The following PITPNC1 variants were observed in gnomAD, a reference collection of about 807,000 sequenced individuals.
PITPNC1 encodes the protein phosphatidylinositol transfer protein cytoplasmic 1.
In PITPNC1, 18 loss-of-function variants were observed where a neutral mutation model predicts 44.7. That is an observed-to-expected ratio of 0.40 (90% CI 0.28 to 0.60). PITPNC1 has a LOEUF of 0.60. Among genes scored for constraint, PITPNC1 ranks in the 20% least tolerant of loss-of-function variants. The pLI, the probability that PITPNC1 is intolerant of heterozygous loss-of-function variation, is 0.39. For missense variants in PITPNC1, 290 were observed against 418.4 expected, an observed-to-expected ratio of 0.69 and a Z score of 2.68; for synonymous variants, 141 against 149.6, an observed-to-expected ratio of 0.94 and a Z score of 0.42.
intron 1 of PITPNC1, among the ~76,000 whole-genome samples, chr17:67,472,115 C>T (rs1385014354): frequency 3.3e-5 from 5 of 151,840 alleles, no homozygotes; most frequent in East Asian, 1.9e-4. Flanking sequence ...TATTAGGGGG[C>T]ACATGATATC....
chr17:67,632,327 G>A (rs2041981190), intron 6 of PITPNC1, 89 bp downstream of exon 6: 1 of 810,430 alleles, frequency 1.2e-6, no homozygotes, highest in Non-Finnish European at 2.1e-6. Context: ...TTGGGAGGAT[G>A]CCATCTCTCG....
At chr17:67,493,430 A>C (rs1361575265) in intron 1 of PITPNC1, among the ~76,000 whole-genome samples, 1 of 152,178 alleles carries the variant, frequency 6.6e-6, no homozygotes, top group Non-Finnish European at 1.5e-5. Flanking sequence ...GTCTTTTAGG[A>C]GCTCCAGTTT....
chr17:67,386,939 T>G (rs1444402716), intron 1 of PITPNC1, among the ~76,000 whole-genome samples: 1 of 152,152 alleles, frequency 6.6e-6, no homozygotes, highest in Non-Finnish European at 1.5e-5. Context: ...GAATTTTGTA[T>G]ATTCCCAAGT....
chr17:67,473,109 CT>C (rs1228734237), intron 1 of PITPNC1, among the ~76,000 whole-genome samples: 1 of 152,088 alleles, frequency 6.6e-6, no homozygotes, highest in African/African-American at 2.4e-5. Flanking sequence ...ATCTCCTGAC[CT>C]CGTGATCCAC....
intron 1 of PITPNC1, among the ~76,000 whole-genome samples, chr17:67,421,345 T>G (rs2038670676): frequency 1.3e-5 from 2 of 152,142 alleles, no homozygotes; most frequent in Admixed American, 1.3e-4. Context: ...TGCAATGGTG[T>G]GATCTCAGCT....
chr17:67,495,052 G>GTTT (rs1243868487), intron 1 of PITPNC1, among the ~76,000 whole-genome samples: 148 of 38,528 alleles, frequency 3.8e-3, no homozygotes, highest in African/African-American at 6.7e-3. Flanking sequence ...TTTTTTTTTT[G>GTTT]TTTTTTTTTT....
At chr17:67,671,296 A>C (rs2042508330) in intron 7 of PITPNC1, among the ~76,000 whole-genome samples, 3 of 152,200 alleles carry the variant, frequency 2.0e-5, no homozygotes, top group Admixed American at 1.3e-4. Context: ...TGCAATGTTG[A>C]GCATTGCCCT....
At chr17:67,682,250 A>G (rs2042723132) in intron 8 of PITPNC1, among the ~76,000 whole-genome samples, 1 of 152,196 alleles carries the variant, frequency 6.6e-6, no homozygotes, top group South Asian at 2.1e-4. Flanking sequence ...ATACATGTAC[A>G]ACAAGTACAA....
chr17:67,394,924 A>G (rs988525216), intron 1 of PITPNC1, among the ~76,000 whole-genome samples: 1 of 151,942 alleles, frequency 6.6e-6, no homozygotes, highest in South Asian at 2.1e-4. Context: ...TGCCAGGAGC[A>G]GTGGCTCATA....
intron 5 of PITPNC1, among the ~76,000 whole-genome samples, chr17:67,615,638 C>T (rs1024256500): frequency 6.6e-5 from 10 of 152,050 alleles, no homozygotes; most frequent in African/African-American, 1.4e-4. Flanking sequence ...CACCGAACAC[C>T]GAGGCTGTGA....
At chr17:67,544,177 GTT>G in intron 2 of PITPNC1, among the ~76,000 whole-genome samples, 1 of 152,272 alleles carries the variant, frequency 6.6e-6, no homozygotes, top group Middle Eastern at 3.4e-3. Context: ...ATCCAGTTCA[GTT>G]AACCAAGTAA....
intron 1 of PITPNC1, among the ~76,000 whole-genome samples, chr17:67,444,290 G>T (rs1383681810): frequency 6.6e-6 from 1 of 152,228 alleles, no homozygotes; most frequent in African/African-American, 2.4e-5. Flanking sequence ...AATAGGCCGA[G>T]ATCACGGGGA....
chr17:67,586,357 C>G (rs1033274795), intron 5 of PITPNC1, among the ~76,000 whole-genome samples: 34 of 149,180 alleles, frequency 2.3e-4, no homozygotes, highest in Admixed American at 3.4e-4. Context: ...CTGAAGCGGG[C>G]AGATTACCTG....
At position 67,676,935 on chromosome 17, in the gene PITPNC1, TCA is replaced by T. The variant is rs772787738; in HGVS notation, c.682+1399_682+1400del. 3.9e-5 allele frequency among the ~76,000 whole-genome samples: 6 copies of T among 152,114 alleles called. No homozygotes were observed. Among genetic ancestry groups the T allele is most frequent in the Non-Finnish European group, 7.3e-5 (5 of 68,036 alleles). On this transcript the variant is annotated intron_variant, in intron 8 of 8. Coordinates refer to ENST00000581322, the MANE Select transcript of PITPNC1 (RefSeq NM_012417.4). The surrounding 1 kb of genome is among the most constrained non-coding windows in gnomAD (Gnocchi z 4.0). Reference sequence around the variant, plus strand: ...AATGCAGATCATTTATGCTCTCTTATCACACACCCACAGAATGCCGCTCTCAT... The same window carrying T: ...AATGCAGATCATTTATGCTCTCTTATCACACCCACAGAATGCCGCTCTCAT...
intron 6 of PITPNC1, among the ~76,000 whole-genome samples, chr17:67,661,157 T>A (rs1368836883): frequency 5.9e-5 from 9 of 151,858 alleles, no homozygotes; most frequent in Admixed American, 1.3e-4. Flanking sequence ...CGAATCACAT[T>A]CTTAAATTAG....
chr17:67,557,771 T>C (rs993949126), intron 4 of PITPNC1, among the ~76,000 whole-genome samples: 1 of 152,224 alleles, frequency 6.6e-6, no homozygotes, highest in Admixed American at 6.5e-5. Flanking sequence ...TGACAGATGC[T>C]TTCAGTTGCC....
intron 1 of PITPNC1, among the ~76,000 whole-genome samples, chr17:67,390,007 T>A (rs2038113886): frequency 1.3e-5 from 2 of 151,382 alleles, no homozygotes; most frequent in Admixed American, 1.3e-4. Flanking sequence ...ATAGAAGTGC[T>A]TACAGATTTG....
intron 2 of PITPNC1, among the ~76,000 whole-genome samples, chr17:67,549,223 G>A (rs1391629678): frequency 6.6e-6 from 1 of 152,150 alleles, no homozygotes; most frequent in African/African-American, 2.4e-5. Context: ...GGAGGCCGAG[G>A]CGGGCGGATC....
chr17:67,526,743 AAAAAGTT>A (rs1306029370), intron 1 of PITPNC1, among the ~76,000 whole-genome samples: 1 of 152,128 alleles, frequency 6.6e-6, no homozygotes, highest in East Asian at 1.9e-4. Context: ...AAAAAAAAAA[AAAAAGTT>A]AAATGACTGG....
Sources: allele counts gnomAD v4.1 joint callset (sites outside exome capture counted in the v4.1 genomes callset), GRCh38; gene constraint gnomAD v4.1.1; non-coding constraint Gnocchi (gnomAD v3.1); transcripts MANE v1.5; gene names NCBI Gene and HGNC (gene_info 2026-07-23, HGNC 2026-07-21).